The following CYP2A6 variants were observed in gnomAD, a reference collection of about 807,000 sequenced individuals.
CYP2A6 encodes the protein cytochrome P450 2A6.
A neutral mutation model predicts 42.3 loss-of-function variants in CYP2A6; 27 were observed. That is an observed-to-expected ratio of 0.64 (90% CI 0.47 to 0.88). The LOEUF (loss-of-function observed/expected upper bound fraction) is 0.88, where lower values mean the gene tolerates loss of function less well. Among genes scored for constraint, CYP2A6 ranks in the 40% least tolerant of loss-of-function variants. The probability of loss-of-function intolerance (pLI) is 0.00; values close to 1 mark genes in which losing one functional copy is unlikely to be tolerated. For synonymous variants in CYP2A6, 238 were observed against 246.3 expected, an observed-to-expected ratio of 0.97 and a Z score of 0.31; for missense variants, 628 against 646.0, an observed-to-expected ratio of 0.97 and a Z score of 0.30.
At chr19:40,847,528 G>A (rs1298122654) in intron 4 of CYP2A6, among the ~76,000 whole-genome samples, 1 of 151,502 alleles carries the variant, frequency 6.6e-6, no homozygotes, top group Non-Finnish European at 1.5e-5. Flanking sequence ...AGTGGGGCTG[G>A]TGAAGATGTT....
chr19:40,849,279 A>C (rs553928000), intron 2 of CYP2A6, among the ~76,000 whole-genome samples: 1 of 151,168 alleles, frequency 6.6e-6, no homozygotes, highest in South Asian at 2.1e-4. Context: ...GAGGAAATAA[A>C]AATGGTGAAA....
intron 4 of CYP2A6, among the ~76,000 whole-genome samples, chr19:40,847,951 A>T (rs1010003140): frequency 6.6e-6 from 1 of 151,768 alleles, no homozygotes; most frequent in African/African-American, 2.4e-5. Context: ...ACACGTGCCC[A>T]GGTGAGAGAG....
In CYP2A6 at chr19:40,848,216, T is replaced by G; in HGVS notation, c.654+3A>C. 1.2e-6 allele frequency: 2 copies of G among 1,611,554 alleles called. No individual in the cohort carries two copies. The highest frequency in any genetic ancestry group is 1.7e-6 in the Non-Finnish European group (2 of 1,179,768). Reference sequence around the variant, plus strand: ...CGTCACGGGCCGGGCTGCAGCCAGTTACCTGCCCCGTGGAGGTTGACGTGA... The same window carrying G: ...CGTCACGGGCCGGGCTGCAGCCAGTGACCTGCCCCGTGGAGGTTGACGTGA... On this transcript the variant is annotated splice_donor_region_variant and intron_variant, in intron 4 of 8. Transcript: ENST00000301141.
In CYP2A6 at chr19:40,846,043, A is replaced by G. The variant is rs753659140; in HGVS notation, c.886T>C (p.Leu296=). The stretch of plus-strand genomic sequence containing the variant: ...TCGGTGCCCCCAATGAAGAGGTTCA[A>G]CGTGGTCATCACCAGGTTTTTCAAG... ...FYLKNLVMTT[L]NLFIGGTETV... is the part of the protein sequence containing the mutation. The change falls in exon 6 of 9, where the codon TTG becomes CTG. Residue 296 remains leucine, a synonymous_variant. Coordinates refer to ENST00000301141, the MANE Select transcript of CYP2A6 (RefSeq NM_000762.6). 56 of 1,611,562 alleles carry G rather than the reference A, an allele frequency of 3.5e-5. No individual in the cohort carries two copies. The highest frequency in any genetic ancestry group is 4.7e-5 in the Non-Finnish European group (56 of 1,179,880).
chr19:40,843,590 G>C lies in CYP2A6; in HGVS notation c.*206C>G, dbSNP rs2083440546. 1.1e-6 allele frequency: 1 copy of C among 914,670 alleles called. No individual in the cohort carries two copies. Among genetic ancestry groups the C allele is most frequent in the Non-Finnish European group, 1.6e-6 (1 of 625,656 alleles). The allele number at this position is 914,670 out of a possible 1,614,324, so 56.7% of individuals were successfully genotyped here. A position where few individuals can be genotyped will look rare whatever the true frequency, so the allele number is the denominator to read the frequency against. The stretch of plus-strand genomic sequence containing the variant: ...TACTACTCTTCATAGCATAATGTAA[G>C]GGTTTCCTTCCTCTCATCCCAGCTC... On this transcript the variant is annotated 3_prime_UTR_variant, in exon 9 of 9. Transcript: ENST00000301141.
chr19:40,847,153 A>G lies in CYP2A6; in HGVS notation c.655-102T>C, dbSNP rs1186003653. ...CATAGCAAGGAAGGAACTGAGTTAA[A>G]GGCATCTGTCTCGTTGTTTAGGTAT... On this transcript the variant is annotated intron_variant, in intron 4 of 8. Transcript: ENST00000301141. 7 of 1,495,864 alleles carry G rather than the reference A, an allele frequency of 4.7e-6. No individual in the cohort carries two copies. In the East Asian group the frequency reaches 1.7e-4, roughly 37 times the overall value. 92.7% of individuals were successfully genotyped at this position (1,495,864 alleles called of 1,614,324 possible).
rs2083448271 is a variant in CYP2A6 at position 40,844,960 on chromosome 19, G to A, written c.1162-188C>T. 3.8e-6 allele frequency: 3 copies of A among 785,602 alleles called. No homozygotes were observed. The African/African-American group carries it at 5.3e-5, about 14-fold the overall frequency. The allele number at this position is 785,602 out of a possible 1,614,324, so 48.7% of individuals were successfully genotyped here. ...CATCTCTGAAACAGGAAGTTTGGGA[G>A]ACATGGGGTCCATGTCCTTCTAGGC... is the stretch of plus-strand genomic sequence containing the variant. On this transcript the variant is annotated intron_variant, in intron 7 of 8. Transcript: ENST00000301141.
intron 5 of CYP2A6, among the ~76,000 whole-genome samples, chr19:40,846,561 C>T (rs1044723201): frequency 9.3e-5 from 14 of 151,150 alleles, no homozygotes; most frequent in African/African-American, 2.2e-4. Flanking sequence ...AGTGCAATGC[C>T]GTGATCTTGG....
At position 40,845,865 on chromosome 19, in the gene CYP2A6, C is replaced by G. The variant is rs1448229511; in HGVS notation, c.973+91G>C. 13 of 1,546,630 alleles carry G rather than the reference C, an allele frequency of 8.4e-6. No individual in the cohort carries two copies. In the East Asian group the frequency reaches 9.5e-5, roughly 11 times the overall value. On this transcript the variant is annotated intron_variant, in intron 6 of 8. Transcript: ENST00000301141. ...GGACAGCAAGTCACGTCTCAGGGTC[C>G]CGGGATCTGGGACAGGTGGGGACAT... is the stretch of plus-strand genomic sequence containing the variant.
rs753329443 is a variant in CYP2A6 at position 40,845,909 on chromosome 19, A to G, written c.973+47T>C. On this transcript the variant is annotated intron_variant, in intron 6 of 8. Coordinates refer to ENST00000301141, the MANE Select transcript of CYP2A6 (RefSeq NM_000762.6). ...GGGACATTGCACCAGTCGAAGGGGA[A>G]TTTTGAGGGTCTGGGGCCCTCCACT... 1.8e-5 allele frequency: 29 copies of G among 1,593,624 alleles called. 3 individuals carry two copies. The South Asian group carries it at 2.8e-4, about 15-fold the overall frequency.
intron 8 of CYP2A6, 137 bp from the exon 9 acceptor site, chr19:40,844,114 C>G: frequency 5.6e-6 from 8 of 1,418,422 alleles, no homozygotes; most frequent in Non-Finnish European, 7.4e-6. Flanking sequence ...AGAGGAGGCT[C>G]TGATCCTCCC....
intron 2 of CYP2A6, among the ~76,000 whole-genome samples, chr19:40,849,045 G>GAGAGAGA (rs1235580651): frequency 0.02 from 482 of 24,238 alleles, 77 homozygotes; most frequent in East Asian, 0.052. Context: ...AAGAGAGAGA[G>GAGAGAGA]GAGAGAGAGA....
In CYP2A6 at chr19:40,848,778, G is replaced by A; in HGVS notation, c.344-15C>T. The A allele has an allele frequency of 6.2e-7, 1 of 1,609,054 alleles. No homozygotes were observed. Among genetic ancestry groups the A allele is most frequent in the Non-Finnish European group, 8.5e-7 (1 of 1,179,120 alleles). ...GAATACCACGCCTGGGGAGGTGAAC[G>A]CGGGAATGGAGACAGGCCAGGGGGC... On this transcript the variant is annotated splice_polypyrimidine_tract_variant and intron_variant, in intron 2 of 8. Coordinates refer to ENST00000301141, the MANE Select transcript of CYP2A6 (RefSeq NM_000762.6).
At chr19:40,850,191 C>T (rs781482841) in intron 1 of CYP2A6, 56 bp downstream of exon 1, 1 of 1,578,266 alleles carries the variant, frequency 6.3e-7, no homozygotes, top group South Asian at 1.2e-5. Context: ...GCCACAAAGC[C>T]CCAGCCAACT....
At position 40,849,897 on chromosome 19, in the gene CYP2A6, C is replaced by A. The variant is rs368359507; in HGVS notation, c.264G>T (p.Arg88Ser). Residue 88 changes from arginine to serine, a missense_variant, in exon 2 of 9, where the codon AGG becomes AGT. Physicochemically the swap from Arg to Ser is moderately radical, Grantham distance 110. Around this residue, in one of 2 missense-constraint regions of CYP2A6, gnomAD observed 606 missense variants for 568.1 expected, o/e 1.07. Transcript: ENST00000301141. ...CCTCAGCCTGGTCCACCAGAGCCTC[C>A]CTGACGGCATCATGTCCACACAGCA... The part of the protein sequence containing the change: ...VVVLCGHDAV[R>S]EALVDQAEEF... The A allele has an allele frequency of 2.5e-5, 40 of 1,611,634 alleles. No individual in the cohort carries two copies. The Middle Eastern group carries it at 1.7e-3, about 67-fold the overall frequency.
Position 40,846,886 on chromosome 19 carries a change from G to C in CYP2A6, c.820C>G (p.Arg274Gly). The change falls in exon 5 of 9, where the codon CGC becomes GGC. Residue 274 changes from arginine (R) to glycine (G), a missense_variant. Physicochemically the swap from Arg to Gly is moderately radical, Grantham distance 125. Transcript: ENST00000301141. ...CTGCTGGGGTGTACCTCCTGCATGC[G>C]GATGAGAAAGGAGTCAATGAAGTCC... ...PRDFIDSFLI[R>G]MQEEEKNPNT... 2 of 1,611,992 alleles carry C rather than the reference G, an allele frequency of 1.2e-6. No individual in the cohort carries two copies. The highest frequency in any genetic ancestry group is 1.7e-6 in the Non-Finnish European group (2 of 1,179,900).
chr19:40,847,821 G>T (rs1967126543), intron 4 of CYP2A6, among the ~76,000 whole-genome samples: 1 of 151,700 alleles, frequency 6.6e-6, no homozygotes, highest in South Asian at 2.1e-4. Flanking sequence ...GGATTTTGCA[G>T]CACCAGGTGT....
intron 2 of CYP2A6, 100 bp from the exon 3 acceptor site, chr19:40,848,863 T>C: frequency 7.0e-7 from 1 of 1,422,778 alleles, no homozygotes; most frequent in Non-Finnish European, 9.5e-7. Flanking sequence ...AGAGAGGGAG[T>C]AGGGTGGGAG....
chr19:40,848,539 A>C lies in CYP2A6; in HGVS notation c.493+75T>G, dbSNP rs560107238. 5.0e-6 allele frequency: 8 copies of C among 1,591,576 alleles called. 1 individual carries two copies. The East Asian group carries it at 9.3e-5, about 19-fold the overall frequency. ...CTTTCCCCACCTAGTCCCCATCCCCAGGCAGAACGCGCGCGGGTTCCTCGT... is the reference window on the plus strand; with the variant it reads ...CTTTCCCCACCTAGTCCCCATCCCCCGGCAGAACGCGCGCGGGTTCCTCGT... On this transcript the variant is annotated intron_variant, in intron 3 of 8. Transcript: ENST00000301141.
Sources: allele counts gnomAD v4.1 joint callset (sites outside exome capture counted in the v4.1 genomes callset), GRCh38; gene constraint gnomAD v4.1.1; regional missense constraint gnomAD v4.1.1; transcripts MANE v1.5; gene names NCBI Gene and HGNC (gene_info 2026-07-23, HGNC 2026-07-21).